Variants in PALLD observed in about 807,000 individuals in gnomAD.
PALLD encodes palladin, cytoskeletal associated protein, also known as palladin.
PALLD carries 61 observed loss-of-function variants against 123.5 expected under a neutral mutation model. That is an observed-to-expected ratio of 0.49 (90% confidence interval 0.40 to 0.61). PALLD has a LOEUF of 0.61. PALLD is among the 20% of genes least tolerant of loss of function. The pLI, the probability that PALLD is intolerant of heterozygous loss-of-function variation, is 0.00. For synonymous variants in PALLD, 465 were observed against 496.4 expected (o/e 0.94, Z 0.84); for missense variants, 1,273 against 1,377.0 (o/e 0.92, Z 1.20).
intron 15 of PALLD, among the ~76,000 whole-genome samples, chr4:168,909,286 G>GTA (rs1348219351): frequency 2.0e-5 from 3 of 152,152 alleles, no homozygotes; most frequent in African/African-American, 7.2e-5. Context: ...ACTGCATTAT[G>GTA]TATACAAGTG....
chr4:168,830,529 CA>C (rs5863962), intron 10 of PALLD, among the ~76,000 whole-genome samples: 94,980 of 145,596 alleles, frequency 0.65, 30,500 homozygotes, highest in Non-Finnish European at 0.69. Flanking sequence ...GACCCTGTCT[CA>C]AAAAAAAAAA....
chr4:168,909,921 C>T (rs1035095059), intron 15 of PALLD, among the ~76,000 whole-genome samples: 13 of 152,110 alleles, frequency 8.5e-5, no homozygotes, highest in African/African-American at 2.9e-4. Flanking sequence ...TTTGGATGCT[C>T]TCTAAATGCT....
intron 2 of PALLD, among the ~76,000 whole-genome samples, chr4:168,615,133 G>A (rs1191964331): frequency 6.7e-6 from 1 of 149,548 alleles, no homozygotes; most frequent in Non-Finnish European, 1.5e-5. Flanking sequence ...GAGTACTTTT[G>A]CCCTCGTTCC....
At chr4:168,809,904 G>GACTT (rs1740824130) in intron 10 of PALLD, among the ~76,000 whole-genome samples, 1 of 151,924 alleles carries the variant, frequency 6.6e-6, no homozygotes, top group Admixed American at 6.6e-5. Context: ...GGGCAAAATG[G>GACTT]AGCTGATGAA....
At chr4:168,812,635 T>C (rs974513749) in intron 10 of PALLD, among the ~76,000 whole-genome samples, 1 of 152,214 alleles carries the variant, frequency 6.6e-6, no homozygotes, top group Admixed American at 6.5e-5. Context: ...AGATTTTCCA[T>C]CTCAGGAGAT....
At chr4:168,832,065 A>T (rs1744297480) in intron 10 of PALLD, 2 of 985,248 alleles carry the variant, frequency 2.0e-6, no homozygotes, top group East Asian at 1.1e-4. Flanking sequence ...CGGGCGAGGT[A>T]TAAAGCCCGA....
chr4:168,835,367 C>T (rs1341206625), intron 10 of PALLD, among the ~76,000 whole-genome samples: 5 of 152,116 alleles, frequency 3.3e-5, no homozygotes, highest in Admixed American at 6.5e-5. Flanking sequence ...AGCACTAAAG[C>T]GTTCTTTGAA....
At chr4:168,580,541 C>T (rs1770147962) in intron 2 of PALLD, among the ~76,000 whole-genome samples, 1 of 152,030 alleles carries the variant, frequency 6.6e-6, no homozygotes, top group African/African-American at 2.4e-5. Context: ...TAAATTACTT[C>T]AACCATTGTG....
intron 10 of PALLD, among the ~76,000 whole-genome samples, chr4:168,872,783 C>T (rs1196346791): frequency 1.3e-5 from 2 of 152,128 alleles, no homozygotes; most frequent in Non-Finnish European, 2.9e-5. Context: ...AGATATTGAC[C>T]TTCATGCAGT....
rs942900947 is a variant in PALLD at position 168,699,657 on chromosome 4, T to C, written c.1501+8365T>C. ...GTTTCCACAAACAAAATGGTTTTTATTTGTATTTAACCAAGTGTTAAGTAG... is the reference window on the plus strand; with the variant it reads ...GTTTCCACAAACAAAATGGTTTTTACTTGTATTTAACCAAGTGTTAAGTAG... On this transcript the variant is annotated intron_variant, in intron 8 of 21. Coordinates refer to ENST00000505667, the MANE Select transcript of PALLD (RefSeq NM_001166108.2). Among the ~76,000 whole-genome samples the C allele has an allele frequency of 2.0e-5, 3 of 152,158 alleles. No individual in the cohort carries two copies. The South Asian group carries it at 6.2e-4, about 32-fold the overall frequency.
chr4:168,866,376 A>G (rs1390272730), intron 10 of PALLD, among the ~76,000 whole-genome samples: 1 of 151,828 alleles, frequency 6.6e-6, no homozygotes, highest in African/African-American at 2.4e-5. Flanking sequence ...AACGTGTTCA[A>G]AAAAGAGAGT....
At chr4:168,672,039 C>G (rs1041110683) in intron 3 of PALLD, among the ~76,000 whole-genome samples, 1 of 152,218 alleles carries the variant, frequency 6.6e-6, no homozygotes, top group Non-Finnish European at 1.5e-5. Context: ...GAGCCAAGCA[C>G]TGTTCTTCAT....
In PALLD at chr4:168,711,581, C is replaced by G. The variant is rs1305763166; in HGVS notation, c.1622C>G (p.Ala541Gly). 6.2e-7 allele frequency: 1 copy of G among 1,610,308 alleles called. No individual in the cohort carries two copies. The highest frequency in any genetic ancestry group is 1.3e-5 in the African/African-American group (1 of 74,858). Residue 541 changes from alanine (A) to glycine (G), a missense_variant and splice_region_variant, in exon 10 of 22, where the codon GCC becomes GGC. Transcript: ENST00000505667. Reference protein sequence around the residue: ...TSTAQLVVTSANTENCSYESM... With the variant: ...TSTAQLVVTSGNTENCSYESM... ...TTTTCCTCTCTTTCCCCTTCCTTAGCCAACACTGAAAACTGTAGTTACGAG... is the reference window on the plus strand; with the variant it reads ...TTTTCCTCTCTTTCCCCTTCCTTAGGCAACACTGAAAACTGTAGTTACGAG...
chr4:168,880,966 G>A (rs914203195), intron 10 of PALLD, among the ~76,000 whole-genome samples: 2 of 152,014 alleles, frequency 1.3e-5, no homozygotes, highest in Non-Finnish European at 2.9e-5. Context: ...GGAATGCAGT[G>A]GTGCAATTGC....
At chr4:168,533,314 T>A (rs2149487083) in intron 2 of PALLD, among the ~76,000 whole-genome samples, 1 of 152,264 alleles carries the variant, frequency 6.6e-6, no homozygotes, top group Non-Finnish European at 1.5e-5. Context: ...TGTTACCTAA[T>A]TAGAATGTTA....
chr4:168,806,880 A>G (rs1025063499), intron 10 of PALLD, among the ~76,000 whole-genome samples: 2 of 152,180 alleles, frequency 1.3e-5, no homozygotes, highest in East Asian at 1.9e-4. Context: ...GTATATATAT[A>G]TACACATATA....
intron 2 of PALLD, among the ~76,000 whole-genome samples, chr4:168,518,177 CA>C (rs1159484369): frequency 6.6e-6 from 1 of 152,116 alleles, no homozygotes; most frequent in Non-Finnish European, 1.5e-5. Flanking sequence ...ATTCATCCAG[CA>C]AATCCAGCTG....
intron 3 of PALLD, among the ~76,000 whole-genome samples, chr4:168,680,900 C>A (rs1781490412): frequency 6.6e-6 from 1 of 152,272 alleles, no homozygotes; most frequent in East Asian, 1.9e-4. Flanking sequence ...AAGAACAGAA[C>A]CACTGTCATA....
chr4:168,921,453 A>G, intron 17 of PALLD, 81 bp from the exon 18 acceptor site: 1 of 883,598 alleles, frequency 1.1e-6, no homozygotes, highest in Non-Finnish European at 1.8e-6. Flanking sequence ...CTGAAGGAGG[A>G]ATTTATGCAG....
Sources: gnomAD v4.1 joint callset for allele counts (sites outside exome capture counted in the v4.1 genomes callset) on GRCh38, gnomAD v4.1.1 for gene constraint, MANE v1.5 for transcripts, NCBI Gene and HGNC (gene_info 2026-07-23, HGNC 2026-07-21) for gene names.